The following CADM2 variants were observed in gnomAD, a reference collection of about 807,000 sequenced individuals.
CADM2 encodes the protein immunoglobulin superfamily member 4D.
CADM2 carries 12 observed loss-of-function variants against 49.8 expected under a neutral mutation model. That is an observed-to-expected ratio of 0.24 (90% CI 0.15 to 0.39). The LOEUF (loss-of-function observed/expected upper bound fraction) is 0.39, where lower values mean the gene tolerates loss of function less well. CADM2 is among the 10% of genes least tolerant of loss of function. The probability of loss-of-function intolerance (pLI) is 1.00; values close to 1 mark genes in which losing one functional copy is unlikely to be tolerated. For missense variants in CADM2, 378 were observed against 492.3 expected (o/e 0.77, Z 2.20); for synonymous variants, 214 against 175.4 (o/e 1.22, Z -1.74).
intron 2 of CADM2, among the ~76,000 whole-genome samples, chr3:85,739,340 ATTAT>A (rs2068283393): frequency 6.6e-6 from 1 of 152,092 alleles, no homozygotes; most frequent in Non-Finnish European, 1.5e-5. Context: ...TTAGATGTCA[ATTAT>A]CTTTATAACT....
chr3:85,639,178 A>G (rs1488653235), intron 1 of CADM2, among the ~76,000 whole-genome samples: 3 of 152,230 alleles, frequency 2.0e-5, no homozygotes, highest in African/African-American at 7.2e-5. Context: ...TTAAAACATT[A>G]CAATGATTAA....
intron 7 of CADM2, among the ~76,000 whole-genome samples, chr3:85,940,020 CAACA>C (rs1166196091): frequency 1.4e-5 from 1 of 70,904 alleles, no homozygotes; most frequent in Non-Finnish European, 2.3e-5. Flanking sequence ...TTTTTAACAA[CAACA>C]AAAAAAAAAC....
chr3:85,059,874 A>G (rs2036239036), intron 1 of CADM2, among the ~76,000 whole-genome samples: 1 of 152,216 alleles, frequency 6.6e-6, no homozygotes, highest in Admixed American at 6.5e-5. Flanking sequence ...ACATGGGCTA[A>G]TACACATGTA....
intron 1 of CADM2, among the ~76,000 whole-genome samples, chr3:85,664,527 T>C (rs1324553424): frequency 6.6e-6 from 1 of 152,000 alleles, no homozygotes; most frequent in Non-Finnish European, 1.5e-5. Context: ...CTTCATTATA[T>C]ACCCAAAATC....
intron 1 of CADM2, among the ~76,000 whole-genome samples, chr3:85,623,476 A>G (rs1354047762): frequency 1.3e-5 from 2 of 152,148 alleles, no homozygotes; most frequent in Non-Finnish European, 2.9e-5. Flanking sequence ...TTCCAGGTAT[A>G]AAAGATGCAG....
At chr3:85,970,001 A>T (rs114412709) in intron 8 of CADM2, among the ~76,000 whole-genome samples, 5,996 of 147,794 alleles carry the variant, frequency 0.041, 425 homozygotes, top group African/African-American at 0.14. Context: ...TCATACACTC[A>T]CACACACACA....
chr3:85,261,764 G>A (rs974093991), intron 1 of CADM2, among the ~76,000 whole-genome samples: 7 of 151,920 alleles, frequency 4.6e-5, no homozygotes, highest in Admixed American at 3.3e-4. Flanking sequence ...AACTTACAGA[G>A]GACCATGCAG....
intron 1 of CADM2, among the ~76,000 whole-genome samples, chr3:85,390,312 A>G (rs901279873): frequency 6.6e-6 from 1 of 152,114 alleles, no homozygotes; most frequent in Non-Finnish European, 1.5e-5. Flanking sequence ...CTCTTTGTCA[A>G]TGTCCCTAAC....
intron 1 of CADM2, among the ~76,000 whole-genome samples, chr3:85,457,184 A>T (rs1412141578): frequency 6.6e-6 from 1 of 152,152 alleles, no homozygotes; most frequent in Admixed American, 6.5e-5. Flanking sequence ...AGGCTGAGGC[A>T]GGTGGATCAC....
intron 1 of CADM2, among the ~76,000 whole-genome samples, chr3:85,484,762 C>A (rs958963814): frequency 6.6e-6 from 1 of 151,850 alleles, no homozygotes; most frequent in Non-Finnish European, 1.5e-5. Flanking sequence ...ATTCTTTATC[C>A]TTAATTCCCT....
intron 1 of CADM2, among the ~76,000 whole-genome samples, chr3:85,720,862 A>C (rs9857151): frequency 0.019 from 2,858 of 152,318 alleles, 72 homozygotes; most frequent in African/African-American, 0.063. Context: ...GACAGTAATA[A>C]TGTACTATCT....
At chr3:85,747,347 A>G (rs1320292675) in intron 2 of CADM2, among the ~76,000 whole-genome samples, 3 of 152,184 alleles carry the variant, frequency 2.0e-5, no homozygotes, top group Non-Finnish European at 4.4e-5. Flanking sequence ...TTAACACATT[A>G]CTTAAACACA....
chr3:85,125,722 G>A (rs1236539817), intron 1 of CADM2, among the ~76,000 whole-genome samples: 1 of 152,144 alleles, frequency 6.6e-6, no homozygotes, highest in Non-Finnish European at 1.5e-5. Flanking sequence ...TTTTGTGGCA[G>A]GTCTACTGCC....
chr3:85,853,670 G>A (rs1208559173), intron 3 of CADM2, among the ~76,000 whole-genome samples: 19 of 147,076 alleles, frequency 1.3e-4, no homozygotes, highest in South Asian at 4.3e-4. Context: ...AAACTTCCAT[G>A]AGATGAAAAA....
intron 3 of CADM2, among the ~76,000 whole-genome samples, chr3:85,815,881 A>C (rs191318633): frequency 6.6e-6 from 1 of 152,308 alleles, no homozygotes; most frequent in African/African-American, 2.4e-5. Flanking sequence ...TTAAGCTGAT[A>C]AGCAACTTTA....
At chr3:85,689,088 A>G (rs1227817133) in intron 1 of CADM2, among the ~76,000 whole-genome samples, 8 of 152,266 alleles carry the variant, frequency 5.3e-5, no homozygotes, top group Non-Finnish European at 1.0e-4. Context: ...TGAGCAATAC[A>G]TAGAAGAAAA....
intron 1 of CADM2, among the ~76,000 whole-genome samples, chr3:85,439,058 A>G (rs2037062478): frequency 6.6e-6 from 1 of 151,960 alleles, no homozygotes; most frequent in African/African-American, 2.4e-5. Flanking sequence ...CTCGATAGAT[A>G]ATTATCATGT....
intron 1 of CADM2, among the ~76,000 whole-genome samples, chr3:85,344,580 A>G (rs2030375680): frequency 6.6e-6 from 1 of 151,770 alleles, no homozygotes; most frequent in Non-Finnish European, 1.5e-5. Context: ...TATAAGACCA[A>G]TCAGAATGAA....
intron 8 of CADM2, chr3:86,013,014 C>T (rs1290961879): frequency 3.5e-5 from 34 of 972,822 alleles, no homozygotes; most frequent in Admixed American, 1.0e-4. Flanking sequence ...TAAACATTAT[C>T]GATTATGTGC....
Sources: gnomAD v4.1 joint callset for allele counts (sites outside exome capture counted in the v4.1 genomes callset) on GRCh38, gnomAD v4.1.1 for gene constraint, MANE v1.5 for transcripts, NCBI Gene and HGNC (gene_info 2026-07-23, HGNC 2026-07-21) for gene names.